TMPRSS11B: variants seen among roughly 807,000 people sequenced by gnomAD.
TMPRSS11B encodes the protein transmembrane protease serine 11B.
In TMPRSS11B, 53 loss-of-function variants were observed where a neutral mutation model predicts 44.7. The observed-to-expected ratio is 1.19, with a 90% CI of 0.95 to 1.49. TMPRSS11B has a LOEUF of 1.49. TMPRSS11B is among the 40% of genes most tolerant of loss of function. TMPRSS11B has a pLI of 0.00. For synonymous variants in TMPRSS11B, 140 were observed against 159.2 expected (o/e 0.88, Z 0.91); for missense variants, 526 against 494.8 (o/e 1.06, Z -0.60).
chr4:68,233,469 C>T (rs1409238481), intron 5 of TMPRSS11B, among the ~76,000 whole-genome samples: 1 of 152,082 alleles, frequency 6.6e-6, no homozygotes, highest in Non-Finnish European at 1.5e-5. Context: ...ACAATCTTTA[C>T]AAACTTCACT....
intron 8 of TMPRSS11B, 66 bp from the exon 9 acceptor site, chr4:68,228,950 T>C (rs1285783959): frequency 3.3e-6 from 5 of 1,528,544 alleles, no homozygotes; most frequent in Non-Finnish European, 4.4e-6. Flanking sequence ...AATATCTACC[T>C]ATAGCATAAA....
chr4:68,237,307 A>T (rs915620429), intron 2 of TMPRSS11B, among the ~76,000 whole-genome samples: 15 of 152,126 alleles, frequency 9.9e-5, no homozygotes, highest in African/African-American at 3.6e-4. Flanking sequence ...CATGGTGTAT[A>T]TGTGCCATAT....
chr4:68,235,197 G>T (rs2109959403), intron 4 of TMPRSS11B, among the ~76,000 whole-genome samples: 1 of 152,196 alleles, frequency 6.6e-6, no homozygotes, highest in East Asian at 1.9e-4. Context: ...GATTAATCAG[G>T]AAAAGAGATT....
Position 68,228,045 on chromosome 4 carries a change from G to A in TMPRSS11B, c.1117C>T (p.Pro373Ser), listed in dbSNP as rs146402081. Residue 373 changes from proline (P) to serine (S), a missense_variant, in exon 10 of 10, where the codon CCT (proline) becomes TCT (serine). Transcript: ENST00000332644. ...AGATGCCAGATATTTCTGGAATCAGGGTAAGCTAGTGGTCCACCAGAATCA... is the reference window on the plus strand; with the variant it reads ...AGATGCCAGATATTTCTGGAATCAGAGTAAGCTAGTGGTCCACCAGAATCA... ...QNDSGGPLAY[P>S]DSRNIWHLVG... The A allele has an allele frequency of 1.5e-4, 240 of 1,610,620 alleles. No homozygotes were observed. In the African/African-American group the frequency reaches 2.7e-3, roughly 18 times the overall value.
Position 68,229,618 on chromosome 4 carries a change from A to C in TMPRSS11B, c.687-102T>G, listed in dbSNP as rs1413478857. On this transcript the variant is annotated intron_variant, in intron 7 of 9. Coordinates refer to ENST00000332644, the MANE Select transcript of TMPRSS11B (RefSeq NM_182502.3). Reference sequence around the variant, plus strand: ...TTTTAAGGCATGAGGTTCCCAAACAAAACTATAAACCACTGAAATTCTATT... The same window carrying C: ...TTTTAAGGCATGAGGTTCCCAAACACAACTATAAACCACTGAAATTCTATT... 5.8e-6 allele frequency: 6 copies of C among 1,041,910 alleles called. No individual in the cohort carries two copies. The African/African-American group carries it at 9.6e-5, about 17-fold the overall frequency. 64.5% of individuals were successfully genotyped at this position (1,041,910 alleles called of 1,614,324 possible).
intron 7 of TMPRSS11B, among the ~76,000 whole-genome samples, chr4:68,230,543 C>A (rs929991044): frequency 1.2e-4 from 19 of 152,098 alleles, no homozygotes; most frequent in African/African-American, 4.6e-4. Context: ...GTGGCTCGCA[C>A]CTGTAATCCC....
At chr4:68,238,101 A>C (rs1233676910) in intron 2 of TMPRSS11B, among the ~76,000 whole-genome samples, 1 of 152,152 alleles carries the variant, frequency 6.6e-6, no homozygotes, top group African/African-American at 2.4e-5. Context: ...TTTGAGAGCA[A>C]TTGTGCTTTT....
Position 68,229,313 on chromosome 4 carries a change from T to A in TMPRSS11B, c.890A>T (p.Lys297Met), listed in dbSNP as rs745671709. 6.2e-7 allele frequency: 1 copy of A among 1,613,724 alleles called. No individual in the cohort carries two copies. The highest frequency in any genetic ancestry group is 8.5e-7 in the Non-Finnish European group (1 of 1,179,814). ...TACAACATTGTCATTTTCTGAGAGC[T>A]TCATTTTGGCTTCAGGAAGACAAAT... The part of the protein sequence containing the change: ...RKICLPEAKM[K>M]LSENDNVVVT... Residue 297 changes from lysine (K) to methionine (M), a missense_variant, in exon 8 of 10, where the codon AAG becomes ATG. By Grantham distance (95) the Lys-to-Met change is moderately conservative. Coordinates refer to ENST00000332644, the MANE Select transcript of TMPRSS11B (RefSeq NM_182502.3).
chr4:68,234,176 A>C (rs1387751485), intron 5 of TMPRSS11B, among the ~76,000 whole-genome samples: 1 of 151,630 alleles, frequency 6.6e-6, no homozygotes, highest in East Asian at 1.9e-4. Context: ...AAAAAACAAG[A>C]AGATAATTCA....
rs1560439678 is a variant in TMPRSS11B at position 68,227,213 on chromosome 4, A to G, written c.*698T>C. The G allele has an allele frequency of 1.3e-5, 2 of 152,224 alleles. No individual in the cohort carries two copies. The highest frequency in any genetic ancestry group is 1.5e-5 in the Non-Finnish European group (1 of 68,050). The allele number at this position is 152,224 out of a possible 1,614,324, so 9.4% of individuals were successfully genotyped here. ...TTATTCCAGTTAATAAAATGAAATT[A>G]TAATTGATATAATAAAAAGTAACTC... On this transcript the variant is annotated 3_prime_UTR_variant, in exon 10 of 10. Coordinates refer to ENST00000332644, the MANE Select transcript of TMPRSS11B (RefSeq NM_182502.3).
chr4:68,229,876 C>A (rs1038379703), intron 7 of TMPRSS11B, among the ~76,000 whole-genome samples: 3 of 129,562 alleles, frequency 2.3e-5, no homozygotes, highest in East Asian at 5.7e-4. Context: ...TTGCCACATA[C>A]CCTTGGTTTC....
chr4:68,230,605 A>G (rs936082252), intron 7 of TMPRSS11B, among the ~76,000 whole-genome samples: 6 of 152,042 alleles, frequency 3.9e-5, no homozygotes, highest in Non-Finnish European at 8.8e-5. Flanking sequence ...GGAGTTCGAG[A>G]CCAGCCTGAC....
Position 68,231,203 on chromosome 4 carries a change from T to C in TMPRSS11B, c.686A>G (p.Lys229Arg). ...WLLSAAHCFA[K>R]KNNSKDWTVN... is the part of the protein sequence containing the mutation. ...CATTTAGTCAAATTTTCAAACTTAC[T>C]TAGCAAAGCAGTGAGCTGCAGATAA... is the stretch of plus-strand genomic sequence containing the variant. The change falls in exon 7 of 10, where the codon AAG (lysine) becomes AGG (arginine). Residue 229 changes from lysine to arginine, a missense_variant and splice_region_variant. By Grantham distance (26) the Lys-to-Arg change is conservative (BLOSUM62 2). Coordinates refer to ENST00000332644, the MANE Select transcript of TMPRSS11B (RefSeq NM_182502.3). 1.2e-6 allele frequency: 2 copies of C among 1,600,352 alleles called. No homozygotes were observed. The highest frequency in any genetic ancestry group is 1.7e-6 in the Non-Finnish European group (2 of 1,174,630).
intron 1 of TMPRSS11B, among the ~76,000 whole-genome samples, chr4:68,243,670 TG>T (rs1719927427): frequency 6.6e-6 from 1 of 152,188 alleles, no homozygotes; most frequent in Admixed American, 6.5e-5. Flanking sequence ...TTTCTTTTAA[TG>T]ACTATAAAAG....
chr4:68,239,268 G>A (rs187603020), intron 2 of TMPRSS11B, among the ~76,000 whole-genome samples: 5 of 144,080 alleles, frequency 3.5e-5, no homozygotes, highest in East Asian at 1.9e-4. Flanking sequence ...TCTCTCGCGC[G>A]CGCGCTCTCT....
chr4:68,232,280 G>C, intron 6 of TMPRSS11B, 98 bp downstream of exon 6: 1 of 1,193,900 alleles, frequency 8.4e-7, no homozygotes, highest in Non-Finnish European at 1.2e-6. Flanking sequence ...CGTGTTATGG[G>C]ATTTCCACAT....
chr4:68,229,181 TG>T, intron 8 of TMPRSS11B, 75 bp downstream of exon 8: 1 of 1,143,358 alleles, frequency 8.7e-7, no homozygotes. Context: ...CATGAGGGGA[TG>T]ATTGATTGAT....
chr4:68,228,201 C>A, intron 9 of TMPRSS11B, 129 bp from the exon 10 acceptor site: 1 of 829,790 alleles, frequency 1.2e-6, no homozygotes, highest in East Asian at 2.8e-5. Context: ...AACTCTGAAA[C>A]CCTTAGGACT....
intron 4 of TMPRSS11B, among the ~76,000 whole-genome samples, chr4:68,235,359 T>G (rs1357000999): frequency 6.6e-6 from 1 of 152,166 alleles, no homozygotes; most frequent in Non-Finnish European, 1.5e-5. Flanking sequence ...GTCAGCTGGA[T>G]TTTTTGTTTG....
Sources: gnomAD v4.1 joint callset for allele counts (sites outside exome capture counted in the v4.1 genomes callset) on GRCh38, gnomAD v4.1.1 for gene constraint, MANE v1.5 for transcripts, NCBI Gene and HGNC (gene_info 2026-07-23, HGNC 2026-07-21) for gene names.